The following TRPM1 variants were observed in gnomAD, a reference collection of about 807,000 sequenced individuals.
TRPM1 encodes the protein transient receptor potential cation channel subfamily M member 1.
A neutral mutation model predicts 149.4 loss-of-function variants in TRPM1; 113 were observed. The observed-to-expected ratio is 0.76, with a 90% confidence interval of 0.65 to 0.88. The LOEUF (loss-of-function observed/expected upper bound fraction) is 0.88. TRPM1 is among the 40% of genes least tolerant of loss of function. TRPM1 has a pLI of 0.00. For synonymous variants in TRPM1, 741 were observed against 759.5 expected, an observed-to-expected ratio of 0.98 and a Z score of 0.40; for missense variants, 1,976 against 2,038.7, an observed-to-expected ratio of 0.97 and a Z score of 0.59.
upstream of TRPM1, among the ~76,000 whole-genome samples, chr15:31,106,350 G>C (rs974981010): frequency 6.6e-6 from 1 of 151,734 alleles, no homozygotes; most frequent in African/African-American, 2.4e-5. Context: ...TGGTCAGGCT[G>C]GTCTCAAACT....
At chr15:31,124,699 G>A (rs1311162354) in intron 1 of TRPM1, among the ~76,000 whole-genome samples, 2 of 150,352 alleles carry the variant, frequency 1.3e-5, no homozygotes, top group Non-Finnish European at 3.0e-5. Flanking sequence ...GCTACATACT[G>A]TATGATTCCA....
intron 21 of TRPM1, 107 bp from the exon 22 acceptor site, chr15:31,033,047 C>A (rs577482593): frequency 1.3e-6 from 2 of 1,498,724 alleles, no homozygotes; most frequent in East Asian, 2.3e-5. Flanking sequence ...CATCTGGCCC[C>A]TTTCCTACTC....
intron 11 of TRPM1, among the ~76,000 whole-genome samples, chr15:31,059,745 A>C (rs996037966): frequency 6.6e-6 from 1 of 152,146 alleles, no homozygotes; most frequent in Non-Finnish European, 1.5e-5. Context: ...AACTCTCTAG[A>C]TATTCCTACT....
At chr15:31,060,364 T>G in intron 11 of TRPM1, 180 bp downstream of exon 11, 1 of 654,698 alleles carries the variant, frequency 1.5e-6, no homozygotes, top group Admixed American at 2.3e-5. Flanking sequence ...GTGGAATTAC[T>G]TCTTGTTGGT....
intron 1 of TRPM1, among the ~76,000 whole-genome samples, chr15:31,089,737 G>C (rs562740438): frequency 1.3e-5 from 2 of 152,350 alleles, no homozygotes; most frequent in South Asian, 4.1e-4. Flanking sequence ...CCTGGAGCTT[G>C]CTTTAGACTT....
chr15:31,110,563 GT>G (rs1222692578), intron 1 of TRPM1, among the ~76,000 whole-genome samples: 1 of 152,218 alleles, frequency 6.6e-6, no homozygotes, highest in Non-Finnish European at 1.5e-5. Flanking sequence ...TAAGATCCAA[GT>G]TGGCCAAAAT....
intron 1 of TRPM1, among the ~76,000 whole-genome samples, chr15:31,093,384 G>T (rs1476904729): frequency 6.6e-6 from 1 of 151,486 alleles, no homozygotes; most frequent in African/African-American, 2.4e-5. Context: ...ACAAAAATTG[G>T]ATGTATTTCT....
intron 1 of TRPM1, among the ~76,000 whole-genome samples, chr15:31,145,524 T>A (rs982017001): frequency 6.6e-6 from 1 of 152,214 alleles, no homozygotes; most frequent in African/African-American, 2.4e-5. Flanking sequence ...AGTGGGTAAC[T>A]TCAGCAACAT....
intron 14 of TRPM1, 87 bp downstream of exon 14, chr15:31,047,802 A>G (rs2033823009): frequency 2.8e-6 from 3 of 1,074,170 alleles, no homozygotes; most frequent in Non-Finnish European, 4.4e-6. Context: ...TGGAATAATA[A>G]TACATTTTGA....
At chr15:31,064,224 C>G (rs2034309762) in intron 7 of TRPM1, among the ~76,000 whole-genome samples, 2 of 152,224 alleles carry the variant, frequency 1.3e-5, no homozygotes, top group Admixed American at 1.3e-4. Context: ...AAATGAGGTA[C>G]ACTGTTCTTG....
intron 1 of TRPM1, among the ~76,000 whole-genome samples, chr15:31,122,614 T>C (rs765176079): frequency 1.3e-5 from 2 of 152,168 alleles, no homozygotes; most frequent in Non-Finnish European, 2.9e-5. Flanking sequence ...AGTAATAAAT[T>C]TAACAAAATA....
At chr15:31,094,784 TA>T (rs1440805388) in intron 1 of TRPM1, among the ~76,000 whole-genome samples, 15 of 152,236 alleles carry the variant, frequency 9.9e-5, no homozygotes, top group African/African-American at 3.6e-4. Context: ...GGTGAAAGTG[TA>T]AAATGGTACA....
At chr15:31,088,578 T>C (rs994856608) in intron 1 of TRPM1, among the ~76,000 whole-genome samples, 11 of 152,152 alleles carry the variant, frequency 7.2e-5, no homozygotes, top group Admixed American at 2.0e-4. Context: ...ACTGCTGAAG[T>C]GAGCAAGGCC....
intron 17 of TRPM1, among the ~76,000 whole-genome samples, chr15:31,041,417 T>C (rs1391191622): frequency 1.3e-5 from 2 of 152,200 alleles, no homozygotes; most frequent in Non-Finnish European, 2.9e-5. Flanking sequence ...CCCAAAGTGC[T>C]GGGATTACAG....
chr15:31,131,249 T>A (rs1420384773), intron 1 of TRPM1, among the ~76,000 whole-genome samples: 1 of 152,210 alleles, frequency 6.6e-6, no homozygotes, highest in Non-Finnish European at 1.5e-5. Flanking sequence ...CAGGTCAGCC[T>A]TGTGCTACTT....
At chr15:31,098,164 G>T (rs2035434404) in intron 1 of TRPM1, among the ~76,000 whole-genome samples, 1 of 152,192 alleles carries the variant, frequency 6.6e-6, no homozygotes, top group Non-Finnish European at 1.5e-5. Context: ...GGCCGGGCGT[G>T]GTGGCTCACG....
intron 1 of TRPM1, among the ~76,000 whole-genome samples, chr15:31,110,449 A>G (rs2035668865): frequency 6.6e-6 from 1 of 152,194 alleles, no homozygotes; most frequent in African/African-American, 2.4e-5. Flanking sequence ...AAAATAAAGT[A>G]GGTTTCCCCA....
At chr15:31,095,904 G>A (rs982926590) in intron 1 of TRPM1, among the ~76,000 whole-genome samples, 3 of 151,882 alleles carry the variant, frequency 2.0e-5, no homozygotes, top group African/African-American at 7.3e-5. Flanking sequence ...AAATTAGCCA[G>A]GCGTGGTGGC....
chr15:31,128,913 C>G (rs371793345), intron 1 of TRPM1, among the ~76,000 whole-genome samples: 7 of 152,278 alleles, frequency 4.6e-5, no homozygotes, highest in South Asian at 4.1e-4. Context: ...AAAGCCCCCC[C>G]GCTCCGGCTT....
Sources: allele counts gnomAD v4.1 joint callset (sites outside exome capture counted in the v4.1 genomes callset), GRCh38; gene constraint gnomAD v4.1.1; transcripts MANE v1.5; gene names NCBI Gene and HGNC (gene_info 2026-07-23, HGNC 2026-07-21).